SPAG16: variants seen among roughly 807,000 people sequenced by gnomAD.
SPAG16 encodes the protein sperm associated antigen 16.
SPAG16 carries 86 observed loss-of-function variants against 80.4 expected under a neutral mutation model. The observed-to-expected ratio is 1.07, with a 90% CI of 0.90 to 1.28. The LOEUF is 1.28. Among genes scored for constraint, SPAG16 ranks in the 50% most tolerant of loss-of-function variants. The probability of loss-of-function intolerance (pLI) is 0.00; values close to 1 mark genes in which losing one functional copy is unlikely to be tolerated. For missense variants in SPAG16, 870 were observed against 765.3 expected, an observed-to-expected ratio of 1.14 and a Z score of -1.61; for synonymous variants, 294 against 265.9, an observed-to-expected ratio of 1.11 and a Z score of -1.03.
chr2:214,018,016 A>G lies in SPAG16; in HGVS notation c.1527+3939A>G, dbSNP rs145175227. The stretch of plus-strand genomic sequence containing the variant: ...TTTAATGGGTTTATTTTCTAAAAAT[A>G]TTTTCAAACCAAGTAGAAAAAAATT... On this transcript the variant is annotated intron_variant, in intron 13 of 15. Transcript: ENST00000331683. 9.7e-4 allele frequency among the ~76,000 whole-genome samples: 147 copies of G among 152,230 alleles called. 1 individual carries two copies. The highest frequency in any genetic ancestry group is 3.4e-3 in the African/African-American group (143 of 41,576).
chr2:214,044,023 A>G (rs1298918314), intron 13 of SPAG16, among the ~76,000 whole-genome samples: 1 of 152,024 alleles, frequency 6.6e-6, no homozygotes, highest in Admixed American at 6.6e-5. Context: ...CTAATTTTAT[A>G]TAGAGTAAGA....
intron 10 of SPAG16, among the ~76,000 whole-genome samples, chr2:213,625,045 G>A (rs756953541): frequency 3.9e-5 from 6 of 151,974 alleles, no homozygotes; most frequent in South Asian, 2.1e-4. Context: ...TGCTTACCTC[G>A]GCCTCCCAAA....
rs148740680 is a variant in SPAG16 at position 213,446,024 on chromosome 2, A to G, written c.943-43939A>G. Reference sequence around the variant, plus strand: ...CTGAAACCATCCAGAAATGAAGCCAATCAACTAAATCCAACTTACAACATA... The same window carrying G: ...CTGAAACCATCCAGAAATGAAGCCAGTCAACTAAATCCAACTTACAACATA... On this transcript the variant is annotated intron_variant, in intron 9 of 15. Coordinates refer to ENST00000331683, the MANE Select transcript of SPAG16 (RefSeq NM_024532.5). Among the ~76,000 whole-genome samples, 1,106 of 152,346 alleles carry G rather than the reference A, an allele frequency of 7.3e-3. 6 individuals are homozygous for G. The highest frequency in any genetic ancestry group is 0.012 in the Non-Finnish European group (799 of 68,038).
intron 10 of SPAG16, among the ~76,000 whole-genome samples, chr2:213,596,009 A>G (rs2060875054): frequency 6.6e-6 from 1 of 152,118 alleles, no homozygotes. Context: ...TGCTCTAGAT[A>G]CATCATTTTG....
At chr2:214,035,155 T>C (rs1435192220) in intron 13 of SPAG16, among the ~76,000 whole-genome samples, 1 of 152,070 alleles carries the variant, frequency 6.6e-6, no homozygotes, top group Non-Finnish European at 1.5e-5. Flanking sequence ...CAGCTGGTCT[T>C]ATCATCATCT....
intron 3 of SPAG16, among the ~76,000 whole-genome samples, chr2:213,298,661 A>G (rs957600088): frequency 2.0e-5 from 3 of 152,334 alleles, no homozygotes; most frequent in Non-Finnish European, 4.4e-5. Flanking sequence ...TGCAAAGATA[A>G]ATCAGAGGAA....
intron 15 of SPAG16, among the ~76,000 whole-genome samples, chr2:214,203,977 G>A (rs921229491): frequency 6.6e-6 from 1 of 152,192 alleles, no homozygotes; most frequent in Non-Finnish European, 1.5e-5. Flanking sequence ...AACAAACTCA[G>A]TACCGTTGTG....
intron 5 of SPAG16, chr2:213,317,584 A>T: frequency 8.5e-7 from 1 of 1,181,154 alleles, no homozygotes; most frequent in Non-Finnish European, 1.0e-6. Context: ...TGTTTAGGAG[A>T]TGGTACATTT....
intron 13 of SPAG16, among the ~76,000 whole-genome samples, chr2:214,035,093 A>G (rs13013902): frequency 5.9e-5 from 9 of 152,044 alleles, no homozygotes; most frequent in Non-Finnish European, 1.0e-4. Flanking sequence ...TGTCACAACA[A>G]GTATTCAGCT....
At chr2:213,286,006 G>A (rs2062043723) in intron 1 of SPAG16, 3 of 969,638 alleles carry the variant, frequency 3.1e-6, no homozygotes, top group African/African-American at 1.7e-5. Flanking sequence ...GACACAATGA[G>A]GTAACTTTTT....
chr2:213,464,928 A>T (rs1429523472), intron 9 of SPAG16, among the ~76,000 whole-genome samples: 1 of 152,128 alleles, frequency 6.6e-6, no homozygotes, highest in African/African-American at 2.4e-5. Context: ...TCTGCAGGAG[A>T]GTACTGAGTT....
chr2:213,937,932 C>G (rs983910398), intron 12 of SPAG16, among the ~76,000 whole-genome samples: 1 of 151,882 alleles, frequency 6.6e-6, no homozygotes, highest in African/African-American at 2.4e-5. Context: ...TAAAATTCAT[C>G]CCTATTCCTT....
intron 11 of SPAG16, among the ~76,000 whole-genome samples, chr2:213,877,342 C>T (rs2076178902): frequency 6.6e-6 from 1 of 152,026 alleles, no homozygotes; most frequent in Non-Finnish European, 1.5e-5. Context: ...CAAGGTCTCA[C>T]TTTGCTGTGT....
At chr2:213,829,110 C>T (rs577475076) in intron 10 of SPAG16, among the ~76,000 whole-genome samples, 15 of 152,302 alleles carry the variant, frequency 9.8e-5, no homozygotes, top group African/African-American at 3.4e-4. Context: ...CGCATCCTTC[C>T]CTTAAGAGAA....
chr2:214,108,251 T>C lies in SPAG16; in HGVS notation c.1583T>C (p.Phe528Ser). Residue 528 changes from phenylalanine to serine, a missense_variant, in exon 14 of 16, where the codon TTT becomes TCT. Physicochemically the swap from Phe to Ser is radical, Grantham distance 155. Transcript: ENST00000331683. ...ATGCATTCTATCAATGATGCCATTT[T>C]TGATCCCAGGGTAAGTTCAGTTCTC... is the stretch of plus-strand genomic sequence containing the variant. ...GHMHSINDAI[F>S]DPRGHMIASC... 2 of 1,603,028 alleles carry C rather than the reference T, an allele frequency of 1.2e-6. No individual in the cohort carries two copies. Among genetic ancestry groups the C allele is most frequent in the Non-Finnish European group, 8.5e-7 (1 of 1,171,604 alleles).
chr2:213,582,876 A>G (rs908170195), intron 10 of SPAG16, among the ~76,000 whole-genome samples: 1 of 152,140 alleles, frequency 6.6e-6, no homozygotes, highest in African/African-American at 2.4e-5. Flanking sequence ...TAATCAACAG[A>G]ACCTCATTTT....
At chr2:213,690,713 C>T (rs1226585144) in intron 10 of SPAG16, among the ~76,000 whole-genome samples, 1 of 152,110 alleles carries the variant, frequency 6.6e-6, no homozygotes. Flanking sequence ...CTTTTTGCTC[C>T]TTCTCTTCCC....
chr2:213,713,893 T>C (rs2066117013), intron 10 of SPAG16, among the ~76,000 whole-genome samples: 1 of 152,174 alleles, frequency 6.6e-6, no homozygotes, highest in Admixed American at 6.5e-5. Context: ...TTGAACAAAG[T>C]ATAAAATCAT....
At chr2:213,622,416 AT>A in intron 10 of SPAG16, among the ~76,000 whole-genome samples, 1 of 152,064 alleles carries the variant, frequency 6.6e-6, no homozygotes. Context: ...ACATTGTTTC[AT>A]TTCTTTCCTG....
Sources: gnomAD v4.1 joint callset for allele counts (sites outside exome capture counted in the v4.1 genomes callset) on GRCh38, gnomAD v4.1.1 for gene constraint, MANE v1.5 for transcripts, NCBI Gene and HGNC (gene_info 2026-07-23, HGNC 2026-07-21) for gene names.